The following SOX6 variants were observed in gnomAD, a reference collection of about 807,000 sequenced individuals.
SOX6 encodes the protein SRY-box transcription factor 6, also known as transcription factor SOX-6.
A neutral mutation model predicts 97.8 loss-of-function variants in SOX6; 11 were observed. The observed-to-expected ratio is 0.11, with a 90% confidence interval of 0.07 to 0.19. The LOEUF is 0.19. Among genes scored for constraint, SOX6 ranks in the 10% least tolerant of loss-of-function variants. SOX6 has a pLI of 1.00. For missense variants in SOX6, 810 were observed against 1,039.5 expected (o/e 0.78, Z 3.04); for synonymous variants, 360 against 371.4 (o/e 0.97, Z 0.35).
chr11:16,704,890 T>C (rs1449193538), intron 3 of SOX6, among the ~76,000 whole-genome samples: 1 of 152,194 alleles, frequency 6.6e-6, no homozygotes, highest in Non-Finnish European at 1.5e-5. Context: ...AATATTCAAA[T>C]ACACTCTTGA....
intron 1 of SOX6, among the ~76,000 whole-genome samples, chr11:16,440,985 T>C (rs1461668070): frequency 6.6e-6 from 1 of 152,082 alleles, no homozygotes; most frequent in East Asian, 1.9e-4. Context: ...CTACTAAGGG[T>C]ATGGTTCAGC....
chr11:16,287,241 A>C, intron 3 of SOX6, among the ~76,000 whole-genome samples: 2 of 141,520 alleles, frequency 1.4e-5, no homozygotes, highest in Non-Finnish European at 3.0e-5. Flanking sequence ...CTCTCCTTTT[A>C]ATCTCTCTTC....
intron 4 of SOX6, among the ~76,000 whole-genome samples, chr11:16,533,631 G>C (rs1372500788): frequency 4.6e-5 from 7 of 151,908 alleles, no homozygotes; most frequent in Non-Finnish European, 8.8e-5. Flanking sequence ...TTCTGAAAAA[G>C]AGTAATATTG....
intron 1 of SOX6, among the ~76,000 whole-genome samples, chr11:16,453,806 G>A (rs747149291): frequency 3.9e-5 from 6 of 152,028 alleles, no homozygotes; most frequent in Non-Finnish European, 8.8e-5. Context: ...ACATCTTCAG[G>A]TGTTTCCAAA....
At chr11:16,647,508 G>T (rs573929004) in intron 3 of SOX6, among the ~76,000 whole-genome samples, 80 of 152,296 alleles carry the variant, frequency 5.3e-4, no homozygotes, top group African/African-American at 1.9e-3. Context: ...AGGAGACAGG[G>T]CTAACGTGCA....
chr11:16,132,394 GAAAGAAAAAAGAAAGAAAGAAAGA>G (rs1849804153), intron 6 of SOX6, among the ~76,000 whole-genome samples: 2 of 63,762 alleles, frequency 3.1e-5, no homozygotes, highest in African/African-American at 1.4e-4. Flanking sequence ...AAGAAAGAAA[GAAAGAAAAAAGAAAGAAAGAAAGA>G]AAGAAAGAAA....
At chr11:16,220,415 G>C (rs1852503521) in intron 4 of SOX6, among the ~76,000 whole-genome samples, 1 of 152,020 alleles carries the variant, frequency 6.6e-6, no homozygotes. Context: ...GAATAGGCTA[G>C]TATTTACCAG....
intron 3 of SOX6, among the ~76,000 whole-genome samples, chr11:16,302,566 CTTTTTTTTTTTTT>C (rs71044096): frequency 1.1e-5 from 1 of 87,000 alleles, no homozygotes. Context: ...TTCTTTTTTT[CTTTTTTTTTTTTT>C]TTTTTTTTTG....
At chr11:16,254,668 C>T (rs546468226) in intron 3 of SOX6, among the ~76,000 whole-genome samples, 2 of 151,466 alleles carry the variant, frequency 1.3e-5, no homozygotes, top group African/African-American at 4.8e-5. Flanking sequence ...TATAAATGCT[C>T]GATTAAAACC....
intron 3 of SOX6, among the ~76,000 whole-genome samples, chr11:16,657,442 C>T (rs1334180477): frequency 1.3e-5 from 2 of 152,170 alleles, no homozygotes; most frequent in African/African-American, 2.4e-5. Flanking sequence ...AAATCTTCAA[C>T]TCATTTGGGT....
At position 16,669,558 on chromosome 11, in the gene SOX6, G is replaced by A. The variant is rs149319959; in HGVS notation, n.429+45272C>T. The stretch of plus-strand genomic sequence containing the variant: ...AGGCCCTGGGCCTCCAGCCATACCC[G>A]GCTGGGGCTATTGAGCCAGGGGCAT... On this transcript the variant is annotated intron_variant and non_coding_transcript_variant, in intron 3 of 5. Transcript: ENST00000524520. Among the ~76,000 whole-genome samples, 122 of 152,304 alleles carry A rather than the reference G, an allele frequency of 8.0e-4. 2 individuals carry two copies. In the East Asian group the frequency reaches 0.019, roughly 24 times the overall value.
intron 12 of SOX6, among the ~76,000 whole-genome samples, chr11:16,033,145 A>G (rs953272941): frequency 3.9e-5 from 6 of 152,156 alleles, no homozygotes; most frequent in Admixed American, 2.0e-4. Context: ...CACCTAACCC[A>G]TACATCAAAT....
intron 2 of SOX6, among the ~76,000 whole-genome samples, chr11:16,715,812 T>G (rs748369226): frequency 6.6e-6 from 1 of 152,162 alleles, no homozygotes; most frequent in Non-Finnish European, 1.5e-5. Context: ...CTACTCTCAG[T>G]TCCTTGAAGG....
At position 16,111,895 on chromosome 11, in the gene SOX6, A is replaced by T; in HGVS notation, c.806T>A (p.Ile269Asn). ...CCGCTGGTCATGTGGAAAAATTGGG[A>T]TCATGAGCGGAGGCATGTGACCCTG... ...QVQGHMPPLMIPIFPHDQRTL... is the reference protein window; with the variant it reads ...QVQGHMPPLMNPIFPHDQRTL... Residue 269 changes from isoleucine to asparagine, a missense_variant, in exon 7 of 16, where the codon ATC (isoleucine) becomes AAC (asparagine). Physicochemically the swap from Ile to Asn is moderately radical, Grantham distance 149. Coordinates refer to ENST00000683767, the MANE Select transcript of SOX6 (RefSeq NM_001367873.1). The T allele has an allele frequency of 6.2e-7, 1 of 1,612,494 alleles. No individual in the cohort carries two copies. The highest frequency in any genetic ancestry group is 8.5e-7 in the Non-Finnish European group (1 of 1,179,932).
At chr11:16,058,255 T>C (rs991623036) in intron 9 of SOX6, among the ~76,000 whole-genome samples, 1 of 152,136 alleles carries the variant, frequency 6.6e-6, no homozygotes, top group Non-Finnish European at 1.5e-5. Context: ...GATACTCTTA[T>C]TCTCTGATTG....
At chr11:16,082,466 A>T (rs1003568931) in intron 9 of SOX6, among the ~76,000 whole-genome samples, 1 of 152,226 alleles carries the variant, frequency 6.6e-6, no homozygotes, top group Non-Finnish European at 1.5e-5. Flanking sequence ...ATCAAGGCCC[A>T]TTCACTGAGA....
At chr11:16,701,728 C>CAT (rs1848095399) in intron 3 of SOX6, among the ~76,000 whole-genome samples, 2 of 141,472 alleles carry the variant, frequency 1.4e-5, no homozygotes, top group African/African-American at 5.3e-5. Context: ...TGGTGGCCGG[C>CAT]GCCTGTAGTC....
intron 3 of SOX6, among the ~76,000 whole-genome samples, chr11:16,266,942 C>T (rs1311817968): frequency 6.6e-6 from 1 of 151,408 alleles, no homozygotes; most frequent in East Asian, 1.9e-4. Context: ...ATTAAATATA[C>T]ATGGCAGTCT....
chr11:16,036,973 T>C (rs1855536235), intron 12 of SOX6, among the ~76,000 whole-genome samples: 1 of 152,220 alleles, frequency 6.6e-6, no homozygotes, highest in Non-Finnish European at 1.5e-5. Context: ...CATTTTAAAC[T>C]GAACCCAACT....
Sources: gnomAD v4.1 joint callset for allele counts (sites outside exome capture counted in the v4.1 genomes callset) on GRCh38, gnomAD v4.1.1 for gene constraint, MANE v1.5 for transcripts, NCBI Gene and HGNC (gene_info 2026-07-23, HGNC 2026-07-21) for gene names.